Variants in TNFSF13B observed in about 807,000 individuals in gnomAD.
TNFSF13B encodes the protein TNF superfamily member 13b, also known as tumor necrosis factor ligand superfamily member 13B.
A neutral mutation model predicts 29.1 loss-of-function variants in TNFSF13B; 8 were observed. The ratio of observed to expected loss-of-function variants is 0.27; its 90% CI spans 0.16 to 0.50. The LOEUF is 0.50. TNFSF13B is among the 20% of genes least tolerant of loss of function. TNFSF13B has a pLI of 0.98. For synonymous variants in TNFSF13B, 125 were observed against 130.8 expected, an observed-to-expected ratio of 0.96 and a Z score of 0.30; for missense variants, 248 against 334.9, an observed-to-expected ratio of 0.74 and a Z score of 2.03.
chr13:108,296,515 G>A (rs1331909468), intron 3 of TNFSF13B, among the ~76,000 whole-genome samples: 6 of 145,198 alleles, frequency 4.1e-5, no homozygotes, highest in Non-Finnish European at 7.7e-5. Flanking sequence ...TCTCTGGTAG[G>A]CAGAATATAA....
At chr13:108,304,144 C>T (rs1049975492) in intron 5 of TNFSF13B, among the ~76,000 whole-genome samples, 17 of 152,238 alleles carry the variant, frequency 1.1e-4, no homozygotes, top group African/African-American at 3.4e-4. Flanking sequence ...AGTCTGGCTC[C>T]GCACCGGGAG....
intron 2 of TNFSF13B, among the ~76,000 whole-genome samples, chr13:108,281,045 G>A (rs887737818): frequency 2.6e-5 from 4 of 152,074 alleles, no homozygotes; most frequent in South Asian, 2.1e-4. Flanking sequence ...TCAGGAGTTC[G>A]AGACCAGCCT....
chr13:108,287,308 A>G (rs1015584650), intron 3 of TNFSF13B, among the ~76,000 whole-genome samples: 2 of 152,204 alleles, frequency 1.3e-5, no homozygotes, highest in Non-Finnish European at 2.9e-5. Flanking sequence ...TTTTCCACTT[A>G]GAATTCAGTC....
chr13:108,302,980 G>A (rs531969952), intron 3 of TNFSF13B: 76 of 534,594 alleles, frequency 1.4e-4, no homozygotes, highest in African/African-American at 1.3e-3. Flanking sequence ...CCGAAATATA[G>A]ACCAATAAAG....
intron 2 of TNFSF13B, among the ~76,000 whole-genome samples, chr13:108,279,673 G>C (rs538512807): frequency 1.3e-4 from 20 of 152,282 alleles, no homozygotes; most frequent in Middle Eastern, 6.8e-3. Context: ...CACTTAGAAA[G>C]ATAATTCAGG....
intron 2 of TNFSF13B, among the ~76,000 whole-genome samples, chr13:108,281,452 T>G (rs1237176201): frequency 6.6e-6 from 1 of 152,170 alleles, no homozygotes; most frequent in Non-Finnish European, 1.5e-5. Flanking sequence ...CGACTTCAAT[T>G]TTTCTTCACA....
chr13:108,279,068 ACCCC>A (rs370430212), intron 2 of TNFSF13B, among the ~76,000 whole-genome samples: 4,460 of 152,204 alleles, frequency 0.029, 165 homozygotes, highest in East Asian at 0.1. Flanking sequence ...GTTTTATGGA[ACCCC>A]TTTTCCCTCA....
chr13:108,269,717 T>C (rs182840122), upstream of TNFSF13B: 21 of 606,152 alleles, frequency 3.5e-5, no homozygotes, highest in African/African-American at 3.0e-4. Flanking sequence ...TACTGTACAG[T>C]AGGGGTAGAG....
intron 2 of TNFSF13B, among the ~76,000 whole-genome samples, chr13:108,282,568 T>C (rs1304327340): frequency 6.6e-6 from 1 of 152,228 alleles, no homozygotes; most frequent in African/African-American, 2.4e-5. Context: ...TTGTGTTAAA[T>C]ATTGATCAAT....
chr13:108,299,296 C>T lies in TNFSF13B; in HGVS notation c.482-3957C>T, dbSNP rs940118625. Among the ~76,000 whole-genome samples the T allele has an allele frequency of 2.1e-5, 3 of 144,916 alleles. 1 individual carries two copies. Among genetic ancestry groups the T allele is most frequent in the Non-Finnish European group, 4.6e-5 (3 of 65,414 alleles). On this transcript the variant is annotated intron_variant, in intron 3 of 5. Transcript: ENST00000375887. ...TAATAATGACTTTATTCTTTTGGTC[C>T]GCTGAGTAGTTCATAATTTTCTCTT...
chr13:108,304,100 C>T (rs1344295999), intron 5 of TNFSF13B, among the ~76,000 whole-genome samples: 1 of 152,192 alleles, frequency 6.6e-6, no homozygotes, highest in East Asian at 1.9e-4. Flanking sequence ...TCCCAGGTTA[C>T]ACAGCTAATT....
chr13:108,281,690 A>G (rs909539443), intron 2 of TNFSF13B, among the ~76,000 whole-genome samples: 6 of 152,182 alleles, frequency 3.9e-5, no homozygotes, highest in African/African-American at 1.2e-4. Flanking sequence ...GCCAATATGT[A>G]CTTCTCGATC....
chr13:108,280,040 A>G lies in TNFSF13B; in HGVS notation c.425-6763A>G, dbSNP rs143077581. On this transcript the variant is annotated intron_variant, in intron 2 of 5. Transcript: ENST00000375887. ...ATACCCATTTCTTCCACTGGATTGT[A>G]AACTCCCTGGGGGCAGGGATGGCGT... 2.7e-3 allele frequency among the ~76,000 whole-genome samples: 406 copies of G among 150,532 alleles called. 1 individual carries two copies. Among genetic ancestry groups the G allele is most frequent in the African/African-American group, 9.4e-3 (386 of 40,992 alleles).
intron 2 of TNFSF13B, among the ~76,000 whole-genome samples, chr13:108,273,121 T>C (rs2139039909): frequency 6.6e-6 from 1 of 152,274 alleles, no homozygotes; most frequent in South Asian, 2.1e-4. Context: ...TATTTCATGG[T>C]TTGCCCTAGA....
At chr13:108,288,857 T>C (rs1881220016) in intron 3 of TNFSF13B, among the ~76,000 whole-genome samples, 1 of 152,106 alleles carries the variant, frequency 6.6e-6, no homozygotes. Flanking sequence ...GGCTAGGCGA[T>C]GAGGAATGGG....
intron 3 of TNFSF13B, among the ~76,000 whole-genome samples, chr13:108,290,680 A>T (rs1469668136): frequency 6.6e-6 from 1 of 151,906 alleles, no homozygotes; most frequent in Non-Finnish European, 1.5e-5. Context: ...CTTATATCTC[A>T]AGCAGATTAA....
intron 3 of TNFSF13B, among the ~76,000 whole-genome samples, chr13:108,288,750 A>G (rs1881215269): frequency 6.6e-6 from 1 of 152,210 alleles, no homozygotes; most frequent in South Asian, 2.1e-4. Flanking sequence ...TAAAATGTAG[A>G]TGAGACGAAA....
chr13:108,275,513 T>C (rs1880738924), intron 2 of TNFSF13B, among the ~76,000 whole-genome samples: 1 of 152,080 alleles, frequency 6.6e-6, no homozygotes, highest in South Asian at 2.1e-4. Flanking sequence ...TCAATTTTAA[T>C]AATAAAATAA....
chr13:108,269,802 C>T lies in TNFSF13B; in HGVS notation c.-94C>T. On this transcript the variant is annotated 5_prime_UTR_variant, in exon 1 of 6. The change creates a new upstream start codon in the 5' untranslated region. Transcript: ENST00000375887. The stretch of plus-strand genomic sequence containing the variant: ...GAGCCAAGCCCTGCCATGTAGTGCA[C>T]GCAGGACATCAACAAACACAGATAA... 1 of 1,206,802 alleles carries T rather than the reference C, an allele frequency of 8.3e-7. No individual in the cohort carries two copies. The highest frequency in any genetic ancestry group is 1.2e-6 in the Non-Finnish European group (1 of 859,540). The allele number at this position is 1,206,802 out of a possible 1,614,324, so 74.8% of individuals were successfully genotyped here. A position where few individuals can be genotyped will look rare whatever the true frequency, so the allele number is the denominator to read the frequency against.
Sources: allele counts gnomAD v4.1 joint callset (sites outside exome capture counted in the v4.1 genomes callset), GRCh38; gene constraint gnomAD v4.1.1; transcripts MANE v1.5; gene names NCBI Gene and HGNC (gene_info 2026-07-23, HGNC 2026-07-21).